The following DISP1 variants were observed in gnomAD, a reference collection of about 807,000 sequenced individuals.
DISP1 encodes the protein dispatched RND transporter family member 1.
Under a neutral mutation model 37.3 loss-of-function variants are expected in DISP1, and 30 were observed. The ratio of observed to expected loss-of-function variants is 0.80; its 90% confidence interval spans 0.60 to 1.09. The LOEUF (loss-of-function observed/expected upper bound fraction) is 1.09. Ranked by LOEUF, DISP1 falls within the 50% of genes least tolerant of loss-of-function variation. The pLI, the probability that DISP1 is intolerant of heterozygous loss-of-function variation, is 0.00. For synonymous variants in DISP1, 634 were observed against 690.2 expected (o/e 0.92, Z 1.28); for missense variants, 1,598 against 1,879.5 (o/e 0.85, Z 2.77).
chr1:222,891,843 G>C (rs565811197), intron 1 of DISP1, among the ~76,000 whole-genome samples: 2 of 152,032 alleles, frequency 1.3e-5, no homozygotes, highest in Non-Finnish European at 2.9e-5. Flanking sequence ...AAAGGCCAAT[G>C]GAGAAGAAGA....
rs1005185525 is a variant in DISP1, at chr1:222,870,258, A to G, written c.-159+55180A>G. Among the ~76,000 whole-genome samples, 427 of 152,290 alleles carry G rather than the reference A, an allele frequency of 2.8e-3. 1 individual carries two copies. The highest frequency in any genetic ancestry group is 9.8e-3 in the African/African-American group (408 of 41,566). On this transcript the variant is annotated intron_variant, in intron 1 of 8. Coordinates refer to ENST00000675850, the MANE Select transcript of DISP1 (RefSeq NM_001377229.1). ...AGTGCCGCAATAAACATACGTGTGC[A>G]TGTGTCTTTATAGCAGCATGATTTA...
Position 223,003,358 on chromosome 1 carries a change from C to T in DISP1, c.1961C>T (p.Ala654Val). Residue 654 changes from alanine (A) to valine (V), a missense_variant, in exon 9 of 9, where the codon GCA (alanine) becomes GTA (valine). Ala to Val is a moderately conservative substitution (Grantham distance 64). Transcript: ENST00000675850. The surrounding 1 kb of genome is among the most constrained non-coding windows in gnomAD (Gnocchi z 4.3). ...NYVLMVTWLP[A>V]VVVLHERYLL... ...GTTTTGATGGTCACATGGCTTCCAG[C>T]AGTTGTTGTGCTGCATGAGCGGTAT... 1 of 1,614,116 alleles carries T rather than the reference C, an allele frequency of 6.2e-7. No individual in the cohort carries two copies. The highest frequency in any genetic ancestry group is 1.1e-5 in the South Asian group (1 of 91,080).
intron 1 of DISP1, among the ~76,000 whole-genome samples, chr1:222,900,825 G>A (rs1282922958): frequency 1.3e-5 from 2 of 152,210 alleles, no homozygotes; most frequent in Non-Finnish European, 2.9e-5. Context: ...ATGAGTGGGA[G>A]CTAAAGTTAG....
chr1:222,904,775 C>T (rs191335222), intron 1 of DISP1, among the ~76,000 whole-genome samples: 1,775 of 152,114 alleles, frequency 0.012, 17 homozygotes, highest in Non-Finnish European at 0.018. Context: ...ACCATATTGG[C>T]CAGGCTGGTC....
At chr1:222,957,145 T>TAA (rs35888809) in intron 3 of DISP1, among the ~76,000 whole-genome samples, 2,099 of 103,122 alleles carry the variant, frequency 0.02, 68 homozygotes, top group African/African-American at 0.063. Context: ...TTTACTATTG[T>TAA]AAAAAAAAAA....
chr1:222,954,568 T>C (rs1675456062), intron 3 of DISP1, among the ~76,000 whole-genome samples: 1 of 152,142 alleles, frequency 6.6e-6, no homozygotes. Flanking sequence ...ACTTATAGTC[T>C]AGAAGGAGAA....
Position 222,960,236 on chromosome 1 carries a change from C to T in DISP1, c.509+16904C>T, listed in dbSNP as rs570926988. Among the ~76,000 whole-genome samples the T allele has an allele frequency of 2.6e-5, 4 of 152,300 alleles. No homozygotes were observed. The East Asian group carries it at 7.7e-4, about 29-fold the overall frequency. ...CCACATAGTTGGAAGTAAAACGCTC[C>T]TCAGCAAATGCAGAAGAACTGAAAT... On this transcript the variant is annotated intron_variant, in intron 3 of 8. Coordinates refer to ENST00000675850, the MANE Select transcript of DISP1 (RefSeq NM_001377229.1).
At chr1:222,987,710 TG>T (rs1438719672) in intron 4 of DISP1, among the ~76,000 whole-genome samples, 3 of 152,230 alleles carry the variant, frequency 2.0e-5, no homozygotes, top group Admixed American at 2.0e-4. Flanking sequence ...CTAAGCAATT[TG>T]GGGCCTACTG....
Position 222,820,919 on chromosome 1 carries a change from A to G in DISP1, c.-159+5841A>G, listed in dbSNP as rs147270664. 4.4e-3 allele frequency among the ~76,000 whole-genome samples: 671 copies of G among 152,182 alleles called. 5 individuals are homozygous for G. Among genetic ancestry groups the G allele is most frequent in the African/African-American group, 0.015 (631 of 41,522 alleles). On this transcript the variant is annotated intron_variant, in intron 1 of 8. Transcript: ENST00000675850. The stretch of plus-strand genomic sequence containing the variant: ...GATCCCTTTTTTCTCCTACAGCTTT[A>G]TGTTACTCCCACAGGTCTTTTTTAT...
intron 1 of DISP1, among the ~76,000 whole-genome samples, chr1:222,911,670 C>A (rs1245696042): frequency 3.9e-5 from 6 of 152,052 alleles, no homozygotes; most frequent in Non-Finnish European, 8.8e-5. Flanking sequence ...TAAGTGCATG[C>A]CACTACATCC....
chr1:222,936,596 T>TATA (rs1466155381), intron 2 of DISP1, among the ~76,000 whole-genome samples: 2 of 17,858 alleles, frequency 1.1e-4, no homozygotes, highest in Admixed American at 4.6e-4. Flanking sequence ...ATGAGAGATA[T>TATA]ATATCTCTCA....
chr1:222,864,166 TTCTAGTTTC>T (rs539729783), intron 1 of DISP1, among the ~76,000 whole-genome samples: 24 of 152,368 alleles, frequency 1.6e-4, no homozygotes, highest in African/African-American at 4.6e-4. Flanking sequence ...CCAGGGTTCA[TTCTAGTTTC>T]TCTCCATATT....
In DISP1 at chr1:222,886,640, T is replaced by G. The variant is rs1486701331; in HGVS notation, c.-158-41790T>G. On this transcript the variant is annotated intron_variant, in intron 1 of 8. Coordinates refer to ENST00000675850, the MANE Select transcript of DISP1 (RefSeq NM_001377229.1). ...ATTAACCCTGTCAATTCTGAAGGTATAGGAAGCCAGATCGTACTTTGATGT... is the reference window on the plus strand; with the variant it reads ...ATTAACCCTGTCAATTCTGAAGGTAGAGGAAGCCAGATCGTACTTTGATGT... Among the ~76,000 whole-genome samples, 7 of 152,352 alleles carry G rather than the reference T, an allele frequency of 4.6e-5. No homozygotes were observed. In the East Asian group the frequency reaches 1.2e-3, roughly 25 times the overall value.
chr1:222,967,239 G>A (rs1676568972), intron 3 of DISP1, among the ~76,000 whole-genome samples: 1 of 152,158 alleles, frequency 6.6e-6, no homozygotes, highest in Non-Finnish European at 1.5e-5. Context: ...GAGAAGTGGA[G>A]GACTTTGTGA....
At chr1:222,826,623 A>G (rs955285840) in intron 1 of DISP1, among the ~76,000 whole-genome samples, 2 of 151,976 alleles carry the variant, frequency 1.3e-5, no homozygotes, top group African/African-American at 4.8e-5. Flanking sequence ...TCCTGGGTCA[A>G]ACGAGCCTCC....
At chr1:222,906,879 ACCCAAGAACCCTCTCTTAGGGT>A (rs1671927364) in intron 1 of DISP1, among the ~76,000 whole-genome samples, 1 of 152,130 alleles carries the variant, frequency 6.6e-6, no homozygotes, top group Non-Finnish European at 1.5e-5. Context: ...TCTTGCTCAG[ACCCAAGAACCCTCTCTTAGGGT>A]CTGGATCAGT....
intron 7 of DISP1, 63 bp downstream of exon 7, chr1:222,992,173 A>T (rs1461317611): frequency 3.9e-6 from 5 of 1,283,382 alleles, no homozygotes; most frequent in Non-Finnish European, 5.7e-6. Flanking sequence ...ATTGAACATG[A>T]TCACAGTCTA....
chr1:222,871,379 G>C (rs1018171077), intron 1 of DISP1, among the ~76,000 whole-genome samples: 2 of 152,052 alleles, frequency 1.3e-5, no homozygotes, highest in Non-Finnish European at 2.9e-5. Flanking sequence ...AATTACCTTG[G>C]GCAGTATGGC....
chr1:222,879,566 G>C (rs1670159852), intron 1 of DISP1, among the ~76,000 whole-genome samples: 1 of 151,980 alleles, frequency 6.6e-6, no homozygotes, highest in Non-Finnish European at 1.5e-5. Flanking sequence ...CATTTCTGTA[G>C]GTTATGAAGA....
Sources: gnomAD v4.1 joint callset for allele counts (sites outside exome capture counted in the v4.1 genomes callset) on GRCh38, gnomAD v4.1.1 for gene constraint, Gnocchi (gnomAD v3.1) non-coding constraint, MANE v1.5 for transcripts, NCBI Gene and HGNC (gene_info 2026-07-23, HGNC 2026-07-21) for gene names.